MYO1E: variants seen among roughly 807,000 people sequenced by gnomAD.
The protein encoded by MYO1E is myosin IE.
Under a neutral mutation model 151.1 loss-of-function variants are expected in MYO1E, and 68 were observed. The ratio of observed to expected loss-of-function variants is 0.45; its 90% confidence interval spans 0.37 to 0.55. The LOEUF is 0.55. MYO1E is among the 20% of genes least tolerant of loss of function. The pLI, the probability that MYO1E is intolerant of heterozygous loss-of-function variation, is 0.00. For synonymous variants in MYO1E, 601 were observed against 501.7 expected, an observed-to-expected ratio of 1.20 and a Z score of -2.64; for missense variants, 1,363 against 1,389.3, an observed-to-expected ratio of 0.98 and a Z score of 0.30.
chr15:59,185,542 T>C (rs532504628), intron 18 of MYO1E, among the ~76,000 whole-genome samples: 110 of 152,216 alleles, frequency 7.2e-4, no homozygotes, highest in Middle Eastern at 3.4e-3. Context: ...GCTGGGATTA[T>C]AGGTGTGAGC....
chr15:59,264,852 C>T (rs529031116), intron 2 of MYO1E: 1 of 152,250 alleles, frequency 6.6e-6, no homozygotes, highest in African/African-American at 2.4e-5. Flanking sequence ...GAGACCTCAT[C>T]TCTACAAAAA....
chr15:59,359,893 T>C (rs576222072), intron 1 of MYO1E: 1 of 152,316 alleles, frequency 6.6e-6, no homozygotes, highest in South Asian at 2.1e-4. Context: ...GGGAAGCTAT[T>C]TGCTTTGGTT....
intron 4 of MYO1E, among the ~76,000 whole-genome samples, chr15:59,238,777 A>G (rs537881001): frequency 1.3e-4 from 20 of 151,878 alleles, no homozygotes; most frequent in African/African-American, 4.6e-4. Flanking sequence ...TCACCATGTT[A>G]GCCAGACTGG....
At chr15:59,352,854 A>G (rs1596439348) in intron 1 of MYO1E, among the ~76,000 whole-genome samples, 1 of 152,206 alleles carries the variant, frequency 6.6e-6, no homozygotes, top group African/African-American at 2.4e-5. Flanking sequence ...CAGAAACTGG[A>G]GGAGCCATTG....
chr15:59,317,288 A>G (rs2080595177), intron 1 of MYO1E, among the ~76,000 whole-genome samples: 1 of 152,226 alleles, frequency 6.6e-6, no homozygotes, highest in Admixed American at 6.5e-5. Context: ...ACAGTCTGAT[A>G]AGAGCTGTGT....
In MYO1E at chr15:59,234,329, C is replaced by T. The variant is rs58269735; in HGVS notation, c.420+2256G>A. 7.9e-5 allele frequency among the ~76,000 whole-genome samples: 12 copies of T among 152,138 alleles called. No individual in the cohort carries two copies. In the East Asian group the frequency reaches 2.3e-3, roughly 29 times the overall value. On this transcript the variant is annotated intron_variant, in intron 5 of 27. Coordinates refer to ENST00000288235, the MANE Select transcript of MYO1E (RefSeq NM_004998.4). ...CCATAAATATTCTCAGTTTTAAAGT[C>T]TGTAATTAAAGAAGGGAAGAGATAG...
intron 1 of MYO1E, among the ~76,000 whole-genome samples, chr15:59,308,903 C>T (rs1190691319): frequency 6.6e-6 from 1 of 151,544 alleles, no homozygotes; most frequent in East Asian, 1.9e-4. Flanking sequence ...ATATTTTAGC[C>T]CCAGAGAGGC....
At chr15:59,151,703 A>G (rs1461931770) in intron 26 of MYO1E, among the ~76,000 whole-genome samples, 1 of 152,098 alleles carries the variant, frequency 6.6e-6, no homozygotes, top group Non-Finnish European at 1.5e-5. Context: ...ACTTGAGGTC[A>G]GGAGTTTGAG....
chr15:59,174,205 A>G lies in MYO1E; in HGVS notation c.2085T>C (p.Tyr695=), dbSNP rs778868018. 1.9e-6 allele frequency: 3 copies of G among 1,614,060 alleles called. No individual in the cohort carries two copies. The highest frequency in any genetic ancestry group is 1.7e-6 in the Non-Finnish European group (2 of 1,179,952). The change falls in exon 20 of 28, where the codon TAT becomes TAC. Residue 695 remains tyrosine (Y), a synonymous_variant. Transcript: ENST00000288235. ...FLLEEMRERK[Y]DGYARVIQKS... Reference sequence around the variant, plus strand: ...TCTGTATCACTCGAGCATACCCATCATACTTTCTCTCTCTCATCTCTTCTA... The same window carrying G: ...TCTGTATCACTCGAGCATACCCATCGTACTTTCTCTCTCTCATCTCTTCTA...
Position 59,372,570 on chromosome 15 carries a change from T to C in MYO1E, c.-70A>G, listed in dbSNP as rs771796243. The C allele has an allele frequency of 2.0e-6, 3 of 1,521,574 alleles. No individual in the cohort carries two copies. The highest frequency in any genetic ancestry group is 2.5e-5 in the East Asian group (1 of 40,028). 94.3% of individuals were successfully genotyped at this position (1,521,574 alleles called of 1,614,324 possible). ...GGGAACTGGGGCTGGAACGCAGTCTTCTGGGCGAACTTCAAAAGTTGGTTC... is the reference window on the plus strand; with the variant it reads ...GGGAACTGGGGCTGGAACGCAGTCTCCTGGGCGAACTTCAAAAGTTGGTTC... On this transcript the variant is annotated 5_prime_UTR_variant, in exon 1 of 28. Coordinates refer to ENST00000288235, the MANE Select transcript of MYO1E (RefSeq NM_004998.4).
At position 59,163,148 on chromosome 15, in the gene MYO1E, C is replaced by T. The variant is rs887779879; in HGVS notation, c.2627+9G>A. 1.5e-5 allele frequency: 24 copies of T among 1,613,684 alleles called. No individual in the cohort carries two copies. Among genetic ancestry groups the T allele is most frequent in the Middle Eastern group, 3.3e-4 (2 of 6,084 alleles). ...CACGCAGAAGTCTGGGTCCCAGATC[C>T]GGACTTACGTATTGCTGAATTTCAG... On this transcript the variant is annotated intron_variant, in intron 23 of 27. Coordinates refer to ENST00000288235, the MANE Select transcript of MYO1E (RefSeq NM_004998.4).
chr15:59,160,436 T>C (rs1196938274), intron 24 of MYO1E, among the ~76,000 whole-genome samples: 1 of 151,332 alleles, frequency 6.6e-6, no homozygotes, highest in Non-Finnish European at 1.5e-5. Flanking sequence ...GGTCTTGCTC[T>C]GTCACCTAGG....
chr15:59,188,658 T>C (rs2079714078), intron 17 of MYO1E, among the ~76,000 whole-genome samples: 1 of 152,070 alleles, frequency 6.6e-6, no homozygotes, highest in Non-Finnish European at 1.5e-5. Flanking sequence ...ATTGCACCAC[T>C]GCACTCCAGC....
intron 1 of MYO1E, among the ~76,000 whole-genome samples, chr15:59,312,040 G>A (rs1350628239): frequency 1.3e-5 from 2 of 152,154 alleles, no homozygotes; most frequent in Non-Finnish European, 2.9e-5. Flanking sequence ...GTGGTATTCA[G>A]CTATAGCAAA....
intron 1 of MYO1E, among the ~76,000 whole-genome samples, chr15:59,294,649 GC>G (rs1483130734): frequency 1.3e-5 from 2 of 152,142 alleles, no homozygotes; most frequent in Non-Finnish European, 2.9e-5. Flanking sequence ...TGTCGTTTCA[GC>G]CCCCACAGGA....
At chr15:59,175,561 G>A (rs2079619548) in intron 19 of MYO1E, among the ~76,000 whole-genome samples, 3 of 152,140 alleles carry the variant, frequency 2.0e-5, no homozygotes, top group African/African-American at 7.2e-5. Flanking sequence ...CTTCAGTGCT[G>A]TAAACAATAG....
intron 17 of MYO1E, among the ~76,000 whole-genome samples, chr15:59,192,310 A>G (rs1432910038): frequency 6.6e-6 from 1 of 152,108 alleles, no homozygotes; most frequent in South Asian, 2.1e-4. Flanking sequence ...AAAAAAAAAA[A>G]AAAGAAAAGA....
intron 9 of MYO1E, among the ~76,000 whole-genome samples, chr15:59,222,069 A>G (rs183642912): frequency 1.6e-4 from 24 of 152,148 alleles, no homozygotes; most frequent in African/African-American, 4.8e-4. Context: ...ATTGTTTTCT[A>G]CTCCCTTCCC....
intron 18 of MYO1E, among the ~76,000 whole-genome samples, chr15:59,181,082 A>T (rs766171960): frequency 6.6e-6 from 1 of 151,900 alleles, no homozygotes; most frequent in Non-Finnish European, 1.5e-5. Flanking sequence ...GATGTTTCTG[A>T]CCTCGGAGGA....
Sources: allele counts gnomAD v4.1 joint callset (sites outside exome capture counted in the v4.1 genomes callset), GRCh38; gene constraint gnomAD v4.1.1; transcripts MANE v1.5; gene names NCBI Gene and HGNC (gene_info 2026-07-23, HGNC 2026-07-21).